The following NPSR1 variants were observed in gnomAD, a reference collection of about 807,000 sequenced individuals.
NPSR1 encodes neuropeptide S receptor 1, also known as neuropeptide S receptor.
NPSR1 carries 48 observed loss-of-function variants against 46.9 expected under a neutral mutation model. The ratio of observed to expected loss-of-function variants is 1.02; its 90% CI spans 0.81 to 1.30. NPSR1 has a LOEUF of 1.30. Among genes scored for constraint, NPSR1 ranks in the 50% most tolerant of loss-of-function variants. The pLI is 0.00. For missense variants in NPSR1, 450 were observed against 449.5 expected (o/e 1.00, Z -0.01); for synonymous variants, 176 against 168.1 (o/e 1.05, Z -0.36).
intron 5 of NPSR1, among the ~76,000 whole-genome samples, chr7:34,833,553 G>C (rs1790217189): frequency 6.6e-6 from 1 of 152,178 alleles, no homozygotes; most frequent in Non-Finnish European, 1.5e-5. Context: ...CCATTTTGTA[G>C]AACCTCAACT....
chr7:34,770,876 T>G (rs1583985013), intron 2 of NPSR1, among the ~76,000 whole-genome samples: 2 of 152,152 alleles, frequency 1.3e-5, no homozygotes, highest in African/African-American at 4.8e-5. Context: ...TCCAAGATGG[T>G]GCCTTGCATG....
Position 34,684,691 on chromosome 7 carries a change from A to C in NPSR1, c.280+7A>C. ...ACTCAGCTGGCCATCACAGGTAAGT[A>C]ACTATGCAAGTGAGAGGCAGGAAGC... On this transcript the variant is annotated splice_region_variant and intron_variant, in intron 2 of 8. Coordinates refer to ENST00000360581, the MANE Select transcript of NPSR1 (RefSeq NM_207172.2). The C allele has an allele frequency of 1.2e-6, 2 of 1,607,482 alleles. No homozygotes were observed. The highest frequency in any genetic ancestry group is 2.2e-5 in the South Asian group (2 of 89,902).
At chr7:34,755,559 A>G (rs746507748) in intron 2 of NPSR1, among the ~76,000 whole-genome samples, 10 of 152,170 alleles carry the variant, frequency 6.6e-5, no homozygotes, top group Middle Eastern at 3.4e-3. Flanking sequence ...TTTTCATTCC[A>G]CTAGTGGTGG....
chr7:34,731,760 A>G (rs1322731422), intron 2 of NPSR1, among the ~76,000 whole-genome samples: 1 of 152,176 alleles, frequency 6.6e-6, no homozygotes, highest in African/African-American at 2.4e-5. Context: ...GTGCACAGAT[A>G]AATCTTGAAG....
At chr7:34,679,685 C>T (rs888586274) in intron 1 of NPSR1, among the ~76,000 whole-genome samples, 2 of 151,908 alleles carry the variant, frequency 1.3e-5, no homozygotes, top group African/African-American at 4.8e-5. Context: ...TAAGTGAGGA[C>T]TTACTGTAAG....
At chr7:34,869,084 A>G (rs1042357172) in intron 8 of NPSR1, among the ~76,000 whole-genome samples, 5 of 151,726 alleles carry the variant, frequency 3.3e-5, no homozygotes. Context: ...TTCACATTTA[A>G]GTTCAAGGTT....
intron 8 of NPSR1, among the ~76,000 whole-genome samples, chr7:34,877,147 T>C (rs1791595699): frequency 6.6e-6 from 1 of 151,966 alleles, no homozygotes; most frequent in Admixed American, 6.5e-5. Flanking sequence ...GCCGAAAGGA[T>C]CTGGATCTCA....
intron 2 of NPSR1, among the ~76,000 whole-genome samples, chr7:34,736,802 T>C (rs1784693187): frequency 1.3e-5 from 2 of 152,106 alleles, no homozygotes; most frequent in African/African-American, 4.8e-5. Context: ...ACATAAGGTC[T>C]CTCTCTCCTT....
intron 7 of NPSR1, among the ~76,000 whole-genome samples, chr7:34,846,986 G>T (rs1186408586): frequency 1.3e-5 from 2 of 152,086 alleles, no homozygotes; most frequent in Non-Finnish European, 2.9e-5. Flanking sequence ...CACACACATG[G>T]AAACACCCAA....
intron 2 of NPSR1, among the ~76,000 whole-genome samples, chr7:34,773,754 G>A (rs1786801408): frequency 6.6e-6 from 1 of 152,188 alleles, no homozygotes; most frequent in Non-Finnish European, 1.5e-5. Context: ...CTCTGCCACT[G>A]TGGCCACTCG....
At chr7:34,746,755 T>G (rs962799972) in intron 2 of NPSR1, among the ~76,000 whole-genome samples, 9 of 152,074 alleles carry the variant, frequency 5.9e-5, no homozygotes, top group African/African-American at 1.7e-4. Context: ...GAAGGAAAAA[T>G]GAAAACCAGG....
At chr7:34,760,695 G>A (rs1050201168) in intron 2 of NPSR1, among the ~76,000 whole-genome samples, 1 of 152,184 alleles carries the variant, frequency 6.6e-6, no homozygotes, top group African/African-American at 2.4e-5. Context: ...GTGCTTCCTA[G>A]TTAGTGGCTA....
At chr7:34,847,116 A>G (rs904490764) in intron 7 of NPSR1, among the ~76,000 whole-genome samples, 8 of 152,178 alleles carry the variant, frequency 5.3e-5, no homozygotes, top group Admixed American at 4.6e-4. Context: ...CCTCTTTAAT[A>G]CATTGCCAAG....
chr7:34,818,924 T>G (rs1488846772), intron 4 of NPSR1, among the ~76,000 whole-genome samples: 1 of 152,178 alleles, frequency 6.6e-6, no homozygotes, highest in African/African-American at 2.4e-5. Context: ...TAACTCAAGA[T>G]GGATTAAAGA....
chr7:34,717,752 T>C (rs1330159442), intron 2 of NPSR1, among the ~76,000 whole-genome samples: 1 of 152,228 alleles, frequency 6.6e-6, no homozygotes, highest in Non-Finnish European at 1.5e-5. Flanking sequence ...GTCATTTGAG[T>C]GCCGCTCATC....
chr7:34,856,228 T>C (rs774261772), intron 8 of NPSR1, among the ~76,000 whole-genome samples: 19 of 148,872 alleles, frequency 1.3e-4, no homozygotes, highest in Non-Finnish European at 2.2e-4. Context: ...AATATAGATA[T>C]AAATATATAG....
intron 1 of NPSR1, among the ~76,000 whole-genome samples, chr7:34,675,556 T>C (rs950937398): frequency 1.3e-5 from 2 of 152,238 alleles, no homozygotes; most frequent in African/African-American, 2.4e-5. Flanking sequence ...TGACAGAGAT[T>C]TATTAAGCAC....
chr7:34,723,329 T>C (rs1783962614), intron 2 of NPSR1: 2 of 152,662 alleles, frequency 1.3e-5, no homozygotes, highest in African/African-American at 4.8e-5. Flanking sequence ...CACCATGACC[T>C]TCACTGGGTC....
chr7:34,788,359 A>T (rs1327287933), intron 3 of NPSR1, among the ~76,000 whole-genome samples: 4 of 152,080 alleles, frequency 2.6e-5, no homozygotes, highest in Admixed American at 2.0e-4. Context: ...AGGAAAAAAA[A>T]CACACAAAGC....
Sources: allele counts gnomAD v4.1 joint callset (sites outside exome capture counted in the v4.1 genomes callset), GRCh38; gene constraint gnomAD v4.1.1; transcripts MANE v1.5; gene names NCBI Gene and HGNC (gene_info 2026-07-23, HGNC 2026-07-21).